Variants in BPIFA2 observed in about 807,000 individuals in gnomAD.
BPIFA2 encodes BPI fold containing family A member 2, also known as BPI fold-containing family A member 2.
Under a neutral mutation model 25.7 loss-of-function variants are expected in BPIFA2, and 20 were observed. That is an observed-to-expected ratio of 0.78 (90% CI 0.55 to 1.13). The LOEUF is 1.13. Among genes scored for constraint, BPIFA2 ranks in the 50% most tolerant of loss-of-function variants. The probability of loss-of-function intolerance (pLI) is 0.00; values close to 1 mark genes in which losing one functional copy is unlikely to be tolerated. For missense variants in BPIFA2, 300 were observed against 298.1 expected (o/e 1.01, Z -0.05); for synonymous variants, 126 against 124.3 (o/e 1.01, Z -0.09).
chr20:33,176,143 G>A (rs574587477), intron 5 of BPIFA2, among the ~76,000 whole-genome samples: 6 of 148,938 alleles, frequency 4.0e-5, no homozygotes, highest in East Asian at 1.9e-4. Context: ...GCCTGCCACG[G>A]GCTCTAATTT....
Position 33,175,450 on chromosome 20 carries a change from C to T in BPIFA2, c.454C>T (p.Leu152Phe), listed in dbSNP as rs1204482841. 1 of 1,614,008 alleles carries T rather than the reference C, an allele frequency of 6.2e-7. No individual in the cohort carries two copies. The highest frequency in any genetic ancestry group is 1.7e-5 in the Admixed American group (1 of 60,004). Reference protein sequence around the residue: ...QIINLKASLDLLTAVTIETDP... With the variant: ...QIINLKASLDFLTAVTIETDP... ...TATCAACCTGAAAGCCTCCTTGGAC[C>T]TCCTGACCGCAGTCACAATTGAAAC... Residue 152 changes from leucine to phenylalanine, a missense_variant, in exon 5 of 9, where the codon CTC (leucine) becomes TTC (phenylalanine). Coordinates refer to ENST00000354932, the MANE Select transcript of BPIFA2 (RefSeq NM_080574.4).
At chr20:33,180,901 G>A (rs1030983775) in intron 8 of BPIFA2, among the ~76,000 whole-genome samples, 8 of 152,142 alleles carry the variant, frequency 5.3e-5, no homozygotes, top group African/African-American at 1.9e-4. Context: ...GGTCTCAAAT[G>A]GATATCCATG....
chr20:33,179,688 G>C, intron 7 of BPIFA2, 21 bp downstream of exon 7: 1 of 1,592,694 alleles, frequency 6.3e-7, no homozygotes, highest in Non-Finnish European at 8.6e-7. Context: ...GGGGAAGTGG[G>C]GACCTTCTGA....
intron 4 of BPIFA2, 93 bp from the exon 5 acceptor site, chr20:33,175,314 A>G: frequency 7.8e-7 from 1 of 1,279,168 alleles, no homozygotes; most frequent in Non-Finnish European, 1.1e-6. Flanking sequence ...ACACATAGAC[A>G]TTCTGACTCA....
chr20:33,164,557 CTCTCTTTCTT>C (rs1232970904), upstream of BPIFA2, among the ~76,000 whole-genome samples: 1 of 149,256 alleles, frequency 6.7e-6, no homozygotes, highest in East Asian at 1.9e-4. Context: ...CATCCCCTCT[CTCTCTTTCTT>C]TCTTTCTTTC....
Position 33,169,326 on chromosome 20 carries a change from A to G in BPIFA2, c.157+24A>G, listed in dbSNP as rs764580172. 3.1e-6 allele frequency: 5 copies of G among 1,610,314 alleles called. No homozygotes were observed. In the South Asian group the frequency reaches 4.4e-5, roughly 14 times the overall value. On this transcript the variant is annotated intron_variant, in intron 2 of 8. Coordinates refer to ENST00000354932, the MANE Select transcript of BPIFA2 (RefSeq NM_080574.4). ...AGGTAAATCAACAAGGGTGATGAAC[A>G]GTGTCACCTAAATTAGCCTCCTAAA... is the stretch of plus-strand genomic sequence containing the variant.
At chr20:33,165,103 A>G (rs6120130), upstream of BPIFA2, among the ~76,000 whole-genome samples, 9,485 of 152,296 alleles carry the variant, frequency 0.062, 1,011 homozygotes, top group African/African-American at 0.22. Flanking sequence ...AAATTACCAA[A>G]AGTTGAATTA....
Position 33,168,360 on chromosome 20 carries a change from C to T in BPIFA2, c.-16+151C>T, listed in dbSNP as rs368744316. On this transcript the variant is annotated intron_variant, in intron 1 of 8. Coordinates refer to ENST00000354932, the MANE Select transcript of BPIFA2 (RefSeq NM_080574.4). The stretch of plus-strand genomic sequence containing the variant: ...ATATCTCTAAATGTGCTCTAAATGG[C>T]AAGTTCGTGATGAGTACTCACTAAA... Among the ~76,000 whole-genome samples the T allele has an allele frequency of 5.3e-5, 8 of 152,158 alleles. No homozygotes were observed. In the East Asian group the frequency reaches 5.8e-4, roughly 11 times the overall value.
chr20:33,178,663 T>C (rs1169541154), intron 6 of BPIFA2, among the ~76,000 whole-genome samples: 2 of 152,158 alleles, frequency 1.3e-5, no homozygotes, highest in Admixed American at 6.5e-5. Flanking sequence ...AAACCATAGG[T>C]ACCATGTGCA....
intron 2 of BPIFA2, among the ~76,000 whole-genome samples, chr20:33,170,549 A>G (rs1012447855): frequency 6.6e-6 from 1 of 152,110 alleles, no homozygotes; most frequent in African/African-American, 2.4e-5. Context: ...GCACACCACC[A>G]CACCTGGCTA....
In BPIFA2 at chr20:33,178,191, C is replaced by G. The variant is rs562811373; in HGVS notation, c.608C>G (p.Thr203Arg). Residue 203 changes from threonine to arginine, a missense_variant, in exon 6 of 9, where the codon ACG (threonine) becomes AGG (arginine). Transcript: ENST00000354932. Reference protein sequence around the residue: ...INKFVNSVINTLKSTVSSLLQ... With the variant: ...INKFVNSVINRLKSTVSSLLQ... ...AAGTTCGTGAATAGCGTGATCAACA[C>G]GCTGAAAAGCACTGTATCCTCCCTG... 1.2e-6 allele frequency: 2 copies of G among 1,606,826 alleles called. No homozygotes were observed. Among genetic ancestry groups the G allele is most frequent in the East Asian group, 4.5e-5 (2 of 44,644 alleles).
upstream of BPIFA2, among the ~76,000 whole-genome samples, chr20:33,164,267 T>A (rs1983658346): frequency 6.6e-6 from 1 of 152,188 alleles, no homozygotes; most frequent in South Asian, 2.1e-4. Flanking sequence ...AGGGAGGATC[T>A]GGAAGATGAG....
In BPIFA2 at chr20:33,169,315, G is replaced by A. The variant is rs1983824934; in HGVS notation, c.157+13G>A. ...AATACTCTTAAAGGTAAATCAACAA[G>A]GGTGATGAACAGTGTCACCTAAATT... On this transcript the variant is annotated intron_variant, in intron 2 of 8. Coordinates refer to ENST00000354932, the MANE Select transcript of BPIFA2 (RefSeq NM_080574.4). 1 of 1,612,906 alleles carries A rather than the reference G, an allele frequency of 6.2e-7. No homozygotes were observed. Among genetic ancestry groups the A allele is most frequent in the Non-Finnish European group, 8.5e-7 (1 of 1,179,026 alleles).
At chr20:33,167,735 T>C (rs1983767324), upstream of BPIFA2, among the ~76,000 whole-genome samples, 1 of 152,144 alleles carries the variant, frequency 6.6e-6, no homozygotes, top group African/African-American at 2.4e-5. Context: ...CCCATCTCGG[T>C]CCCTGTCTTG....
rs1983819290 is a variant in BPIFA2, at chr20:33,169,223, C to G, written c.78C>G (p.Gly26=). The G allele has an allele frequency of 6.2e-7, 1 of 1,614,016 alleles. No individual in the cohort carries two copies. The highest frequency in any genetic ancestry group is 1.7e-5 in the Admixed American group (1 of 60,024). Reference sequence around the variant, plus strand: ...CAGAGTCTCTTCTTGACAATCTTGGCAATGACCTAAGCAATGTCGTGGATA... The same window carrying G: ...CAGAGTCTCTTCTTGACAATCTTGGGAATGACCTAAGCAATGTCGTGGATA... The part of the protein sequence containing the change: ...GTSESLLDNL[G]NDLSNVVDKL... The change falls in exon 2 of 9, where the codon GGC becomes GGG. Residue 26 remains glycine, a synonymous_variant. Transcript: ENST00000354932.
Position 33,169,023 on chromosome 20 carries a change from C to T in BPIFA2, c.-15-108C>T, listed in dbSNP as rs1209445587. ...TGCCCATTTGTAAAATAGGAAATAA[C>T]CACATCTATCTTAATGGAATGCTAA... On this transcript the variant is annotated intron_variant, in intron 1 of 8. Transcript: ENST00000354932. 5 of 1,035,172 alleles carry T rather than the reference C, an allele frequency of 4.8e-6. No homozygotes were observed. The African/African-American group carries it at 8.1e-5, about 17-fold the overall frequency. 64.1% of individuals were successfully genotyped at this position (1,035,172 alleles called of 1,614,324 possible).
Position 33,174,140 on chromosome 20 carries a change from G to A in BPIFA2, c.364G>A (p.Gly122Ser), listed in dbSNP as rs974095211. 1 of 1,614,096 alleles carries A rather than the reference G, an allele frequency of 6.2e-7. No homozygotes were observed. Among genetic ancestry groups the A allele is most frequent in the African/African-American group, 1.3e-5 (1 of 74,920 alleles). The change falls in exon 4 of 9, where the codon GGC becomes AGC. Residue 122 changes from glycine (G) to serine (S), a missense_variant. Gly to Ser is a moderately conservative substitution (Grantham distance 56, BLOSUM62 0). Transcript: ENST00000354932. ...VKAEPIDDGK[G>S]LNLSFPVTAN... ...AGCTGAACCGATCGATGATGGCAAA[G>A]GCCTTAACCTGAGCTTCCCTGTCAC...
upstream of BPIFA2, among the ~76,000 whole-genome samples, chr20:33,165,669 A>G (rs1211879927): frequency 6.6e-6 from 1 of 152,258 alleles, no homozygotes; most frequent in Non-Finnish European, 1.5e-5. Flanking sequence ...GGGGATTAGC[A>G]GTCACGCAGC....
At chr20:33,180,089 C>G (rs2146458671) in intron 7 of BPIFA2, among the ~76,000 whole-genome samples, 1 of 152,146 alleles carries the variant, frequency 6.6e-6, no homozygotes, top group Non-Finnish European at 1.5e-5. Flanking sequence ...GTGGTGGCAT[C>G]CACCTGGAGT....
Sources: gnomAD v4.1 joint callset for allele counts (sites outside exome capture counted in the v4.1 genomes callset) on GRCh38, gnomAD v4.1.1 for gene constraint, MANE v1.5 for transcripts, NCBI Gene and HGNC (gene_info 2026-07-23, HGNC 2026-07-21) for gene names.